Variants in SYNE1 observed in about 807,000 individuals in gnomAD.
SYNE1 encodes the protein spectrin repeat containing nuclear envelope protein 1, also known as nesprin-1.
Under a neutral mutation model 1,111.0 loss-of-function variants are expected in SYNE1, and 616 were observed. The observed-to-expected ratio is 0.55, with a 90% CI of 0.52 to 0.59. The LOEUF (loss-of-function observed/expected upper bound fraction) is 0.59. Among genes scored for constraint, SYNE1 ranks in the 20% least tolerant of loss-of-function variants. The pLI is 0.00. For missense variants in SYNE1, 10,006 were observed against 10,417.0 expected (o/e 0.96, Z 1.72); for synonymous variants, 3,855 against 3,825.8 (o/e 1.01, Z -0.28).
At chr6:152,319,552 A>G (rs1229541213) in intron 84 of SYNE1, among the ~76,000 whole-genome samples, 1 of 152,254 alleles carries the variant, frequency 6.6e-6, no homozygotes, top group Non-Finnish European at 1.5e-5. Context: ...GAAGGTGAAA[A>G]AAGACAGTTC....
intron 9 of SYNE1, 27 bp downstream of exon 9, chr6:152,505,174 A>C: frequency 6.2e-7 from 1 of 1,611,794 alleles, no homozygotes; most frequent in Admixed American, 1.7e-5. Flanking sequence ...GTTAAGGTAT[A>C]TAACAGTCAA....
At chr6:152,233,263 C>A (rs1453889027) in intron 112 of SYNE1, among the ~76,000 whole-genome samples, 2 of 152,220 alleles carry the variant, frequency 1.3e-5, no homozygotes, top group African/African-American at 4.8e-5. Context: ...CATACCCACA[C>A]CCACATACAC....
At chr6:152,124,039 G>A (rs763526146) in intron 145 of SYNE1, among the ~76,000 whole-genome samples, 2 of 152,224 alleles carry the variant, frequency 1.3e-5, no homozygotes, top group African/African-American at 2.4e-5. Flanking sequence ...AAAAATGGGA[G>A]AGGGCTGGGC....
chr6:152,155,107 C>G, intron 132 of SYNE1, 65 bp from the exon 133 acceptor site: 2 of 1,602,022 alleles, frequency 1.2e-6, no homozygotes, highest in Non-Finnish European at 1.7e-6. Flanking sequence ...AGAACCCGGT[C>G]TGCTGCCTGC....
chr6:152,630,121 C>A, intron 2 of SYNE1, among the ~76,000 whole-genome samples: 1 of 150,996 alleles, frequency 6.6e-6, no homozygotes, highest in Non-Finnish European at 1.5e-5. Flanking sequence ...GCTTTTTAGC[C>A]TATTATCTAA....
chr6:152,578,035 T>G (rs1440857984), intron 3 of SYNE1, among the ~76,000 whole-genome samples: 1 of 152,224 alleles, frequency 6.6e-6, no homozygotes, highest in East Asian at 1.9e-4. Context: ...AGTGTCATTA[T>G]TTCTACTAAA....
chr6:152,578,452 A>C (rs1482268956), intron 3 of SYNE1, among the ~76,000 whole-genome samples: 1 of 152,070 alleles, frequency 6.6e-6, no homozygotes, highest in Non-Finnish European at 1.5e-5. Context: ...AAAATTAGCC[A>C]GGTGTGGTGG....
intron 63 of SYNE1, 137 bp from the exon 64 acceptor site, chr6:152,362,460 C>T: frequency 8.9e-7 from 1 of 1,127,010 alleles, no homozygotes; most frequent in South Asian, 1.3e-5. Context: ...AGTGAGCAGG[C>T]TGCCCAGGGC....
At chr6:152,458,649 CTAGA>C in intron 22 of SYNE1, 104 bp downstream of exon 22, 1 of 1,222,368 alleles carries the variant, frequency 8.2e-7, no homozygotes, top group Non-Finnish European at 1.2e-6. Context: ...TAGTACTATT[CTAGA>C]AAAATGTTTC....
chr6:152,582,536 G>T (rs564251421), intron 3 of SYNE1, among the ~76,000 whole-genome samples: 1 of 151,176 alleles, frequency 6.6e-6, no homozygotes, highest in African/African-American at 2.4e-5. Flanking sequence ...GCTTAAAATG[G>T]GTTACCAGTG....
intron 96 of SYNE1, among the ~76,000 whole-genome samples, chr6:152,283,100 G>C (rs1291211383): frequency 1.3e-5 from 2 of 152,124 alleles, no homozygotes; most frequent in African/African-American, 4.8e-5. Flanking sequence ...AACAATATGA[G>C]TAGCCTAGAA....
intron 106 of SYNE1, among the ~76,000 whole-genome samples, chr6:152,243,028 T>C (rs189128928): frequency 2.0e-5 from 3 of 152,292 alleles, no homozygotes; most frequent in Non-Finnish European, 2.9e-5. Context: ...AGGTTAATAT[T>C]TTAAGATTTT....
At chr6:152,289,335 T>G (rs1265351888) in intron 95 of SYNE1, among the ~76,000 whole-genome samples, 1 of 152,226 alleles carries the variant, frequency 6.6e-6, no homozygotes, top group East Asian at 1.9e-4. Flanking sequence ...AACTCTTTAA[T>G]AGTAAGGGTG....
chr6:152,179,560 C>T (rs1029013655), intron 129 of SYNE1: 1 of 150,848 alleles, frequency 6.6e-6, no homozygotes, highest in African/African-American at 2.4e-5. Flanking sequence ...ATTAAGACCC[C>T]CAAATACTGA....
chr6:152,541,762 A>G lies in SYNE1; in HGVS notation c.68-1741T>C, dbSNP rs554347909. On this transcript the variant is annotated intron_variant, in intron 3 of 145. Coordinates refer to ENST00000367255, the MANE Select transcript of SYNE1 (RefSeq NM_182961.4). ...GACTCCATCTCAAAAAAAAAAAAAA[A>G]AAAGAAAAGAAATGCCACAGAATTT... Among the ~76,000 whole-genome samples the G allele has an allele frequency of 7.6e-5, 7 of 92,532 alleles. No individual in the cohort carries two copies. In the South Asian group the frequency reaches 1.6e-3, roughly 21 times the overall value. 60.7% of individuals were successfully genotyped at this position (92,532 alleles called of 152,430 possible).
Position 152,471,926 on chromosome 6 carries a change from A to G in SYNE1, c.1464-161T>C. The G allele has an allele frequency of 9.6e-6, 7 of 727,026 alleles. No homozygotes were observed. The South Asian group carries it at 1.3e-4, about 13-fold the overall frequency. The allele number at this position is 727,026 out of a possible 1,614,324, so 45.0% of individuals were successfully genotyped here. ...AATCCGATTCCTTTTCTAGCTCTGG[A>G]TTTAAAAGCAAAGCATGAATGATTG... On this transcript the variant is annotated intron_variant, in intron 15 of 145. Coordinates refer to ENST00000367255, the MANE Select transcript of SYNE1 (RefSeq NM_182961.4).
At chr6:152,190,618 T>C (rs892402440) in intron 127 of SYNE1, among the ~76,000 whole-genome samples, 3 of 152,214 alleles carry the variant, frequency 2.0e-5, no homozygotes, top group African/African-American at 2.4e-5. Flanking sequence ...TAAAAATGTA[T>C]GATTAAACTC....
Position 152,498,977 on chromosome 6 carries a change from T to A in SYNE1, c.889-185A>T, listed in dbSNP as rs187618483. ...AAACTACAAAAATATTCAACTCCAA[T>A]AAGGCAACATCATTTCCTAGAATAT... On this transcript the variant is annotated intron_variant, in intron 10 of 145. Transcript: ENST00000367255. Among the ~76,000 whole-genome samples the A allele has an allele frequency of 1.8e-3, 275 of 152,206 alleles. 2 individuals are homozygous for A. Among genetic ancestry groups the A allele is most frequent in the African/African-American group, 6.3e-3 (261 of 41,572 alleles).
At position 152,213,768 on chromosome 6, in the gene SYNE1, A is replaced by G; in HGVS notation, c.22347-9T>C. ...AAAATGACTGCAACTTGCTGAAAGA[A>G]CAAAGGGCAAGGAACAATGGTTATT... On this transcript the variant is annotated splice_polypyrimidine_tract_variant and intron_variant, in intron 122 of 145. Transcript: ENST00000367255. 1 of 1,614,078 alleles carries G rather than the reference A, an allele frequency of 6.2e-7. No homozygotes were observed. The highest frequency in any genetic ancestry group is 8.5e-7 in the Non-Finnish European group (1 of 1,179,976).
Sources: allele counts gnomAD v4.1 joint callset (sites outside exome capture counted in the v4.1 genomes callset), GRCh38; gene constraint gnomAD v4.1.1; transcripts MANE v1.5; gene names NCBI Gene and HGNC (gene_info 2026-07-23, HGNC 2026-07-21).